Variants in PHC2 observed in about 807,000 individuals in gnomAD.
PHC2 encodes the protein polyhomeotic-like protein 2.
Under a neutral mutation model 87.4 loss-of-function variants are expected in PHC2, and 29 were observed. The ratio of observed to expected loss-of-function variants is 0.33; its 90% CI spans 0.25 to 0.45. The LOEUF is 0.45. PHC2 is among the 20% of genes least tolerant of loss of function. The pLI is 1.00. For missense variants in PHC2, 857 were observed against 1,136.7 expected (o/e 0.75, Z 3.54); for synonymous variants, 438 against 461.7 (o/e 0.95, Z 0.66).
In PHC2 at chr1:33,332,950, G is replaced by A. The variant is rs1646536049; in HGVS notation, c.1762-546C>T. ...AACTCTCAGTTGTCAGAACCCCAGA[G>A]CAGCTTATTTACGCGTTTAGATCTC... On this transcript the variant is annotated intron_variant, in intron 10 of 14. Transcript: ENST00000683057. This position sits in a 1 kb window ranked among gnomAD's most constrained non-coding sequence, Gnocchi z 4.2. Among the ~76,000 whole-genome samples, 1 of 152,208 alleles carries A rather than the reference G, an allele frequency of 6.6e-6. No individual in the cohort carries two copies. The highest frequency in any genetic ancestry group is 2.1e-4 in the South Asian group (1 of 4,830).
At chr1:33,367,957 C>A (rs1362469413) in intron 6 of PHC2, among the ~76,000 whole-genome samples, 1 of 152,188 alleles carries the variant, frequency 6.6e-6, no homozygotes, top group Non-Finnish European at 1.5e-5. Flanking sequence ...CTCTGCTGGA[C>A]ACAGGGAGGC....
chr1:33,416,436 C>T (rs1419110440), intron 1 of PHC2, among the ~76,000 whole-genome samples: 1 of 151,186 alleles, frequency 6.6e-6, no homozygotes, highest in Non-Finnish European at 1.5e-5. Flanking sequence ...ATTAGCCAGG[C>T]ATGGTGGCAG....
intron 4 of PHC2, among the ~76,000 whole-genome samples, 164 bp downstream of exon 4, chr1:33,370,853 A>G (rs1440844988): frequency 6.6e-6 from 1 of 151,958 alleles, no homozygotes; most frequent in Non-Finnish European, 1.5e-5. Context: ...TTACTAACCT[A>G]AAGGTCAGTA....
At chr1:33,396,865 G>A (rs1016818450) in intron 1 of PHC2, among the ~76,000 whole-genome samples, 7 of 152,204 alleles carry the variant, frequency 4.6e-5, no homozygotes, top group African/African-American at 1.7e-4. Flanking sequence ...GGACAGCAGC[G>A]TCCTCCTCCC....
intron 1 of PHC2, among the ~76,000 whole-genome samples, chr1:33,429,681 T>A (rs1650819989): frequency 6.6e-6 from 1 of 152,256 alleles, no homozygotes; most frequent in Non-Finnish European, 1.5e-5. Flanking sequence ...GGACTAATTA[T>A]CTTATTCATC....
Position 33,324,750 on chromosome 1 carries a change from A to G in PHC2, c.*115T>C, listed in dbSNP as rs1646333906. The G allele has an allele frequency of 8.6e-7, 1 of 1,159,822 alleles. No individual in the cohort carries two copies. The highest frequency in any genetic ancestry group is 1.5e-5 in the African/African-American group (1 of 65,262). 71.8% of individuals were successfully genotyped at this position (1,159,822 alleles called of 1,614,324 possible). On this transcript the variant is annotated 3_prime_UTR_variant, in exon 15 of 15. Transcript: ENST00000683057. Reference sequence around the variant, plus strand: ...AGACCTCCTCACCAGCTATGCCCCTAGGGAGAGCCCCTGCCCTCCAACCGG... The same window carrying G: ...AGACCTCCTCACCAGCTATGCCCCTGGGGAGAGCCCCTGCCCTCCAACCGG...
chr1:33,343,051 C>T (rs961160560), intron 9 of PHC2, among the ~76,000 whole-genome samples: 4 of 152,152 alleles, frequency 2.6e-5, no homozygotes, highest in South Asian at 2.1e-4. Context: ...TCTGTAACAA[C>T]GAGGCTCATA....
Position 33,370,597 on chromosome 1 carries a change from G to A in PHC2, c.412-12C>T, listed in dbSNP as rs1442905956. On this transcript the variant is annotated splice_polypyrimidine_tract_variant and intron_variant, in intron 4 of 14. Transcript: ENST00000683057. ...GCTGCCAGGTTGATCTAATGAGAGA[G>A]ACATGTGCGGTAGGAGATAGGAGGT... The A allele has an allele frequency of 1.2e-6, 2 of 1,607,556 alleles. No individual in the cohort carries two copies. Among genetic ancestry groups the A allele is most frequent in the Non-Finnish European group, 1.7e-6 (2 of 1,175,420 alleles).
At position 33,324,822 on chromosome 1, in the gene PHC2, C is replaced by A. The variant is rs376969728; in HGVS notation, c.*43G>T. ...GAATGTCTGTCTGGCTCTGCTCAGT[C>A]GGGAGGAGGCGCCCTGGGCCAGAAT... On this transcript the variant is annotated 3_prime_UTR_variant, in exon 15 of 15. Transcript: ENST00000683057. The A allele has an allele frequency of 8.0e-5, 127 of 1,582,204 alleles. No homozygotes were observed. The highest frequency in any genetic ancestry group is 1.0e-4 in the Non-Finnish European group (121 of 1,161,740).
In PHC2 at chr1:33,368,573, C is replaced by T; in HGVS notation, c.626G>A (p.Gly209Asp). 2 of 1,549,852 alleles carry T rather than the reference C, an allele frequency of 1.3e-6. No homozygotes were observed. Among genetic ancestry groups the T allele is most frequent in the Non-Finnish European group, 1.7e-6 (2 of 1,146,314 alleles). ...GGGGGGCCGGGCGGGGGAGCCAGTG[C>T]CGAGCTCAGGCTGCACAGTAGCGAC... ...ATVATVQPEL[G>D]TGSPARPPTP... The change falls in exon 6 of 15, where the codon GGC becomes GAC. Residue 209 changes from glycine (G) to aspartate (D), a missense_variant. Gly to Asp is a moderately conservative substitution (Grantham distance 94). This residue lies in a region of PHC2 where 832 missense variants were observed against 1,081.8 expected (regional missense o/e 0.77). Transcript: ENST00000683057. The surrounding 1 kb of genome is among the most constrained non-coding windows in gnomAD (Gnocchi z 6.6).
intron 1 of PHC2, among the ~76,000 whole-genome samples, chr1:33,402,533 A>C (rs1038216398): frequency 6.6e-6 from 1 of 152,218 alleles, no homozygotes; most frequent in Non-Finnish European, 1.5e-5. Flanking sequence ...AAAACCAAAA[A>C]ACTGGAAATG....
intron 1 of PHC2, among the ~76,000 whole-genome samples, chr1:33,394,085 T>C (rs144876342): frequency 6.6e-6 from 1 of 152,156 alleles, no homozygotes. Context: ...ATAATAAATT[T>C]CAGAAAATTT....
intron 1 of PHC2, among the ~76,000 whole-genome samples, chr1:33,405,907 G>C (rs12082346): frequency 0.018 from 2,717 of 152,300 alleles, 75 homozygotes; most frequent in African/African-American, 0.061. Context: ...CTGTGATCCA[G>C]TATAGAGTCA....
intron 9 of PHC2, chr1:33,335,077 A>C: frequency 3.2e-5 from 14 of 435,596 alleles, no homozygotes; most frequent in Non-Finnish European, 4.3e-5. Context: ...CTCTCTGTGG[A>C]CAACCTTTCC....
At chr1:33,415,392 C>T (rs1650163082) in intron 1 of PHC2, among the ~76,000 whole-genome samples, 1 of 152,278 alleles carries the variant, frequency 6.6e-6, no homozygotes. Context: ...GAATTAGATA[C>T]AACCCCCAGA....
chr1:33,361,434 C>T (rs891565188), intron 7 of PHC2, among the ~76,000 whole-genome samples: 4 of 152,148 alleles, frequency 2.6e-5, no homozygotes, highest in African/African-American at 7.2e-5. Flanking sequence ...TCCGCCTCCT[C>T]GGTTCAAGCA....
chr1:33,404,664 A>G (rs1649679227), intron 1 of PHC2, among the ~76,000 whole-genome samples: 3 of 152,140 alleles, frequency 2.0e-5, no homozygotes, highest in African/African-American at 7.2e-5. Context: ...CAATCAACAA[A>G]TATTTATCGA....
chr1:33,390,202 A>G (rs924545510), intron 1 of PHC2, among the ~76,000 whole-genome samples: 48 of 152,306 alleles, frequency 3.2e-4, no homozygotes, highest in African/African-American at 1.1e-3. Context: ...GGCTCTTTTA[A>G]CCATGGTAGC....
Position 33,370,602 on chromosome 1 carries a change from G to A in PHC2, c.412-17C>T, listed in dbSNP as rs1647765185. ...CAGGTTGATCTAATGAGAGAGACAT[G>A]TGCGGTAGGAGATAGGAGGTTCTGT... On this transcript the variant is annotated splice_polypyrimidine_tract_variant and intron_variant, in intron 4 of 14. Transcript: ENST00000683057. 6.2e-7 allele frequency: 1 copy of A among 1,605,136 alleles called. No individual in the cohort carries two copies. The highest frequency in any genetic ancestry group is 1.7e-5 in the Admixed American group (1 of 59,398).
Sources: gnomAD v4.1 joint callset for allele counts (sites outside exome capture counted in the v4.1 genomes callset) on GRCh38, gnomAD v4.1.1 for gene constraint, gnomAD v4.1.1 regional missense constraint, Gnocchi (gnomAD v3.1) non-coding constraint, MANE v1.5 for transcripts, NCBI Gene and HGNC (gene_info 2026-07-23, HGNC 2026-07-21) for gene names.